Variants in IMMP2L observed in about 807,000 individuals in gnomAD.
IMMP2L encodes mitochondrial inner membrane protease subunit 2.
Under a neutral mutation model 19.3 loss-of-function variants are expected in IMMP2L, and 18 were observed. That is an observed-to-expected ratio of 0.93 (90% CI 0.64 to 1.38). The LOEUF (loss-of-function observed/expected upper bound fraction) is 1.38. Ranked by LOEUF, IMMP2L falls within the 40% of genes most tolerant of loss-of-function variation. The pLI is 0.00. For missense variants in IMMP2L, 233 were observed against 218.2 expected (o/e 1.07, Z -0.43); for synonymous variants, 76 against 73.0 (o/e 1.04, Z -0.21).
intron 5 of IMMP2L, among the ~76,000 whole-genome samples, chr7:110,717,607 A>G (rs1795311058): frequency 6.6e-6 from 1 of 152,272 alleles, no homozygotes; most frequent in South Asian, 2.1e-4. Flanking sequence ...TTTGTTAAAT[A>G]AATGAACAAA....
intron 5 of IMMP2L, among the ~76,000 whole-genome samples, chr7:110,808,506 A>C (rs1164206794): frequency 6.6e-6 from 1 of 152,088 alleles, no homozygotes; most frequent in Admixed American, 6.6e-5. Flanking sequence ...GGAGTACTGT[A>C]TAAAACATAT....
intron 5 of IMMP2L, among the ~76,000 whole-genome samples, chr7:110,819,350 A>G (rs752149831): frequency 2.0e-5 from 3 of 152,058 alleles, no homozygotes; most frequent in Non-Finnish European, 4.4e-5. Flanking sequence ...TTCAAGCCCA[A>G]GCAGTTTCTA....
chr7:110,895,566 C>T (rs1811239791), intron 4 of IMMP2L, among the ~76,000 whole-genome samples: 1 of 152,150 alleles, frequency 6.6e-6, no homozygotes, highest in African/African-American at 2.4e-5. Context: ...TGCAAAGGAG[C>T]CTGCTGGGAG....
intron 5 of IMMP2L, among the ~76,000 whole-genome samples, chr7:110,734,966 A>T (rs1796518457): frequency 1.3e-5 from 2 of 152,220 alleles, no homozygotes; most frequent in Admixed American, 1.3e-4. Flanking sequence ...CTATGTACAG[A>T]CTTGCAGAGG....
At chr7:110,816,094 G>T (rs183626651) in intron 5 of IMMP2L, among the ~76,000 whole-genome samples, 5,611 of 151,832 alleles carry the variant, frequency 0.037, 129 homozygotes, top group Middle Eastern at 0.082. Flanking sequence ...CTTTCTCTTG[G>T]GGGCATTTAG....
intron 5 of IMMP2L, among the ~76,000 whole-genome samples, chr7:110,791,591 T>G (rs1212693830): frequency 2.0e-5 from 3 of 151,770 alleles, no homozygotes; most frequent in Non-Finnish European, 2.9e-5. Context: ...TCTCCTAATT[T>G]GGAACCAACT....
chr7:111,530,078 T>G (rs1350314173), intron 1 of IMMP2L, among the ~76,000 whole-genome samples: 3 of 152,150 alleles, frequency 2.0e-5, no homozygotes. Flanking sequence ...GGAAAGTCAG[T>G]GAAAACCTGG....
chr7:111,167,234 A>T (rs1805923540), intron 3 of IMMP2L, among the ~76,000 whole-genome samples: 1 of 151,900 alleles, frequency 6.6e-6, no homozygotes, highest in South Asian at 2.1e-4. Flanking sequence ...CTTTCCTCTG[A>T]TTATGTCCAG....
intron 5 of IMMP2L, among the ~76,000 whole-genome samples, chr7:110,795,707 A>T (rs1263114241): frequency 6.6e-6 from 1 of 152,084 alleles, no homozygotes; most frequent in Non-Finnish European, 1.5e-5. Context: ...GCCTTGTACA[A>T]CTGAACCAGG....
At chr7:111,449,112 C>A (rs1442384225) in intron 3 of IMMP2L, among the ~76,000 whole-genome samples, 1 of 149,332 alleles carries the variant, frequency 6.7e-6, no homozygotes, top group African/African-American at 2.5e-5. Flanking sequence ...GGATTCACAG[C>A]CGAATTCTAC....
chr7:110,746,443 C>T (rs1797351945), intron 5 of IMMP2L, among the ~76,000 whole-genome samples: 3 of 152,204 alleles, frequency 2.0e-5, no homozygotes, highest in South Asian at 4.1e-4. Context: ...CTCAAATCAA[C>T]AGAATATACA....
chr7:111,556,043 C>G (rs1392760780), intron 1 of IMMP2L, among the ~76,000 whole-genome samples: 1 of 27,644 alleles, frequency 3.6e-5, no homozygotes, highest in Non-Finnish European at 1.0e-4. Flanking sequence ...TATACATACC[C>G]AAAGAAAATG....
intron 3 of IMMP2L, among the ~76,000 whole-genome samples, chr7:111,110,751 T>C (rs1454500370): frequency 6.6e-6 from 1 of 152,196 alleles, no homozygotes; most frequent in Non-Finnish European, 1.5e-5. Flanking sequence ...ATTACTGATA[T>C]TAATTTAATA....
At chr7:111,547,388 A>G (rs922765235) in intron 1 of IMMP2L, among the ~76,000 whole-genome samples, 1 of 152,112 alleles carries the variant, frequency 6.6e-6, no homozygotes. Context: ...ATAAAAAATC[A>G]TAGTTGATTC....
chr7:111,387,866 C>T (rs1398790980), intron 3 of IMMP2L, among the ~76,000 whole-genome samples: 2 of 150,446 alleles, frequency 1.3e-5, no homozygotes, highest in East Asian at 4.0e-4. Flanking sequence ...GTTCCAACTA[C>T]TCAGGAGGTT....
chr7:111,554,902 TC>T (rs1272748113), intron 1 of IMMP2L, among the ~76,000 whole-genome samples: 1 of 152,078 alleles, frequency 6.6e-6, no homozygotes, highest in Non-Finnish European at 1.5e-5. Flanking sequence ...TATTTATATA[TC>T]CATTTTTCTC....
chr7:111,260,541 C>T (rs1393466043), intron 3 of IMMP2L, among the ~76,000 whole-genome samples: 1 of 152,056 alleles, frequency 6.6e-6, no homozygotes, highest in Non-Finnish European at 1.5e-5. Flanking sequence ...TTAACTAAAA[C>T]AACAAAGTAG....
rs61178792 is a variant in IMMP2L, at chr7:110,874,564, C to T, written c.408+12029G>A. The stretch of plus-strand genomic sequence containing the variant: ...GTAGGAAGATTTTCTTGCAATAAAA[C>T]AGTAGTTCAAATAATGTTCTTCCAT... On this transcript the variant is annotated intron_variant, in intron 5 of 5. Transcript: ENST00000405709. Among the ~76,000 whole-genome samples the T allele has an allele frequency of 7.6e-3, 1,154 of 152,108 alleles. 22 individuals carry two copies. Among genetic ancestry groups the T allele is most frequent in the East Asian group, 0.058 (300 of 5,158 alleles).
intron 5 of IMMP2L, among the ~76,000 whole-genome samples, chr7:110,700,224 A>AC (rs1183864934): frequency 6.6e-6 from 1 of 152,142 alleles, no homozygotes; most frequent in African/African-American, 2.4e-5. Flanking sequence ...AAAAACTAAC[A>AC]CCCCGTAAGC....
Sources: allele counts gnomAD v4.1 joint callset (sites outside exome capture counted in the v4.1 genomes callset), GRCh38; gene constraint gnomAD v4.1.1; transcripts MANE v1.5; gene names NCBI Gene and HGNC (gene_info 2026-07-23, HGNC 2026-07-21).